Variants in ARB2A observed in about 807,000 individuals in gnomAD.
ARB2A encodes the protein ARB2 cotranscriptional regulator A, also known as cotranscriptional regulator ARB2A.
the ARB2A span, among the ~76,000 whole-genome samples, chr5:93,744,908 C>T: frequency 6.6e-6 from 1 of 152,124 alleles, no homozygotes; most frequent in Non-Finnish European, 1.5e-5. Context: ...TGGTTCCAGT[C>T]CCCAATGTAT....
chr5:93,921,668 C>T, the ARB2A span, among the ~76,000 whole-genome samples: 1 of 152,102 alleles, frequency 6.6e-6, no homozygotes, highest in Non-Finnish European at 1.5e-5. Context: ...AAGGCATAGG[C>T]TAACTCTACT....
the ARB2A span, among the ~76,000 whole-genome samples, chr5:93,674,403 C>T: frequency 4.6e-5 from 7 of 152,092 alleles, no homozygotes; most frequent in African/African-American, 1.2e-4. Context: ...TCAGAGCATT[C>T]GTGATTAATC....
chr5:93,926,419 C>T, the ARB2A span, among the ~76,000 whole-genome samples: 1 of 152,110 alleles, frequency 6.6e-6, no homozygotes, highest in Non-Finnish European at 1.5e-5. Context: ...AGGCATGAGC[C>T]ACCGTGCCCG....
At chr5:93,841,017 A>C in the ARB2A span, among the ~76,000 whole-genome samples, 1 of 152,166 alleles carries the variant, frequency 6.6e-6, no homozygotes, top group Admixed American at 6.5e-5. Context: ...CTTAGATTCC[A>C]AAACTGGGCT....
At chr5:94,109,344 T>C in the ARB2A span, among the ~76,000 whole-genome samples, 9 of 152,312 alleles carry the variant, frequency 5.9e-5, no homozygotes, top group Admixed American at 3.9e-4. Context: ...GAAAAACTTC[T>C]GAGTGAAAAA....
At chr5:94,102,638 T>C in the ARB2A span, among the ~76,000 whole-genome samples, 29 of 151,196 alleles carry the variant, frequency 1.9e-4, no homozygotes, top group African/African-American at 6.3e-4. Flanking sequence ...ACTGGGGAGG[T>C]AGACATTCAA....
chr5:93,783,899 A>G, the ARB2A span, among the ~76,000 whole-genome samples: 1 of 152,172 alleles, frequency 6.6e-6, no homozygotes, highest in Non-Finnish European at 1.5e-5. Context: ...AGGGTCTGGC[A>G]TAACAGTATT....
At chr5:93,959,140 A>G in the ARB2A span, among the ~76,000 whole-genome samples, 1 of 152,118 alleles carries the variant, frequency 6.6e-6, no homozygotes, top group African/African-American at 2.4e-5. Flanking sequence ...TAACAATTAT[A>G]TATTAGTTGG....
chr5:93,829,523 G>A, the ARB2A span, among the ~76,000 whole-genome samples: 1 of 152,170 alleles, frequency 6.6e-6, no homozygotes, highest in East Asian at 1.9e-4. Flanking sequence ...CTGAGGAGCT[G>A]TATTGTAATT....
At chr5:93,640,414 A>G in the ARB2A span, among the ~76,000 whole-genome samples, 1 of 151,244 alleles carries the variant, frequency 6.6e-6, no homozygotes, top group Admixed American at 6.6e-5. Context: ...ATGCCACTGC[A>G]CTCCAGCCTG....
chr5:93,949,358 C>G, the ARB2A span, among the ~76,000 whole-genome samples: 4 of 151,872 alleles, frequency 2.6e-5, no homozygotes, highest in African/African-American at 4.8e-5. Context: ...GTCAAGAGAT[C>G]AAGACCATCC....
chr5:93,986,585 A>G, the ARB2A span, among the ~76,000 whole-genome samples: 1 of 152,098 alleles, frequency 6.6e-6, no homozygotes, highest in African/African-American at 2.4e-5. Flanking sequence ...GAAAAGGGGG[A>G]AGTGTGGGGA....
the ARB2A span, among the ~76,000 whole-genome samples, chr5:94,065,424 G>A: frequency 1.3e-5 from 2 of 152,192 alleles, no homozygotes; most frequent in African/African-American, 4.8e-5. Context: ...TGAGGTGGGA[G>A]GATCGCTTGA....
chr5:93,813,369 G>C, the ARB2A span, among the ~76,000 whole-genome samples: 41 of 152,308 alleles, frequency 2.7e-4, no homozygotes, highest in African/African-American at 7.7e-4. Context: ...TAAAGTGTTA[G>C]AGGAGCAGCT....
chr5:93,771,241 T>A, the ARB2A span, among the ~76,000 whole-genome samples: 1 of 151,706 alleles, frequency 6.6e-6, no homozygotes, highest in Non-Finnish European at 1.5e-5. Flanking sequence ...CTGGGAAAAC[T>A]GGCTAGCCAT....
At chr5:93,855,048 G>A in the ARB2A span, among the ~76,000 whole-genome samples, 2 of 152,170 alleles carry the variant, frequency 1.3e-5, no homozygotes, top group Non-Finnish European at 2.9e-5. Context: ...GTCTAATGTT[G>A]ATAGTGGGGT....
At chr5:93,632,617 T>G in the ARB2A span, among the ~76,000 whole-genome samples, 1 of 152,208 alleles carries the variant, frequency 6.6e-6, no homozygotes, top group Non-Finnish European at 1.5e-5. Flanking sequence ...CTGGCTGGTA[T>G]GTAGAGAATG....
At chr5:93,650,906 T>C in the ARB2A span, among the ~76,000 whole-genome samples, 8 of 151,994 alleles carry the variant, frequency 5.3e-5, no homozygotes, top group Admixed American at 3.9e-4. Context: ...GCAGGAGGAT[T>C]GCTTGAACCC....
At chr5:93,828,226 A>G in the ARB2A span, among the ~76,000 whole-genome samples, 1 of 152,228 alleles carries the variant, frequency 6.6e-6, no homozygotes, top group African/African-American at 2.4e-5. Context: ...ACCCATGAGC[A>G]TGGAATGTTC....
Sources: gnomAD v4.1 joint callset for allele counts (sites outside exome capture counted in the v4.1 genomes callset) on GRCh38, gnomAD v4.1.1 for gene constraint, MANE v1.5 for transcripts, NCBI Gene and HGNC (gene_info 2026-07-23, HGNC 2026-07-21) for gene names.